Variants in SORCS1 observed in about 807,000 individuals in gnomAD.
The protein encoded by SORCS1 is VPS10 domain-containing receptor SorCS1.
SORCS1 carries 60 observed loss-of-function variants against 146.1 expected under a neutral mutation model. That is an observed-to-expected ratio of 0.41 (90% confidence interval 0.33 to 0.51). The LOEUF (loss-of-function observed/expected upper bound fraction) is 0.51. Ranked by LOEUF, SORCS1 falls within the 20% of genes least tolerant of loss-of-function variation. SORCS1 has a pLI of 0.21. For missense variants in SORCS1, 1,352 were observed against 1,487.6 expected (o/e 0.91, Z 1.50); for synonymous variants, 637 against 584.0 (o/e 1.09, Z -1.31).
At chr10:106,926,011 A>G (rs2138489657) in intron 2 of SORCS1, among the ~76,000 whole-genome samples, 1 of 152,204 alleles carries the variant, frequency 6.6e-6, no homozygotes, top group Middle Eastern at 3.4e-3. Context: ...ACTTTGGAAG[A>G]AAAAAAAGAC....
At chr10:106,687,308 C>G (rs1330900484) in intron 10 of SORCS1, among the ~76,000 whole-genome samples, 1 of 152,110 alleles carries the variant, frequency 6.6e-6, no homozygotes, top group African/African-American at 2.4e-5. Flanking sequence ...CTTTTGGATG[C>G]CATCATATAT....
chr10:106,591,759 G>A (rs1421536734), intron 24 of SORCS1, among the ~76,000 whole-genome samples: 3 of 152,074 alleles, frequency 2.0e-5, no homozygotes, highest in Non-Finnish European at 4.4e-5. Context: ...AGAAATCCAT[G>A]TGATTTCAGA....
At chr10:106,819,633 C>A (rs1947916652) in intron 3 of SORCS1, among the ~76,000 whole-genome samples, 1 of 152,170 alleles carries the variant, frequency 6.6e-6, no homozygotes, top group African/African-American at 2.4e-5. Context: ...TTTGAATCTG[C>A]TGCAGGGGAG....
intron 9 of SORCS1, among the ~76,000 whole-genome samples, chr10:106,695,314 A>T (rs555496745): frequency 6.6e-6 from 1 of 152,278 alleles, no homozygotes; most frequent in African/African-American, 2.4e-5. Context: ...TTTTCCCCAG[A>T]TCATTTTCTT....
chr10:106,834,590 G>T (rs1948705871), intron 2 of SORCS1, among the ~76,000 whole-genome samples: 2 of 152,018 alleles, frequency 1.3e-5, no homozygotes, highest in African/African-American at 4.8e-5. Context: ...TCGTAAGAAA[G>T]AGGAACTATA....
At chr10:106,731,694 A>T (rs190967309) in intron 5 of SORCS1, among the ~76,000 whole-genome samples, 3 of 152,298 alleles carry the variant, frequency 2.0e-5, no homozygotes, top group Non-Finnish European at 2.9e-5. Flanking sequence ...ATATGAAGGC[A>T]TCCTCTTCCC....
At chr10:106,607,633 T>C (rs1451426340) in intron 22 of SORCS1, among the ~76,000 whole-genome samples, 1 of 152,188 alleles carries the variant, frequency 6.6e-6, no homozygotes, top group Admixed American at 6.5e-5. Flanking sequence ...ATTAAATGAG[T>C]TACACATGAA....
chr10:106,872,341 A>G (rs775678915), intron 2 of SORCS1, among the ~76,000 whole-genome samples: 2 of 152,210 alleles, frequency 1.3e-5, no homozygotes, highest in African/African-American at 2.4e-5. Context: ...AGGATATCTG[A>G]CTTATGACCA....
chr10:106,637,156 A>C (rs987137296), intron 18 of SORCS1, among the ~76,000 whole-genome samples: 37 of 152,220 alleles, frequency 2.4e-4, no homozygotes, highest in African/African-American at 8.0e-4. Context: ...GTGACATTTT[A>C]TAATAGTAAA....
intron 10 of SORCS1, among the ~76,000 whole-genome samples, chr10:106,681,167 A>G (rs1404446995): frequency 6.6e-6 from 1 of 152,222 alleles, no homozygotes; most frequent in Admixed American, 6.5e-5. Flanking sequence ...GAGGAAGACT[A>G]GAACAGATAT....
chr10:106,935,662 C>T (rs976550723), intron 2 of SORCS1, among the ~76,000 whole-genome samples: 5 of 152,184 alleles, frequency 3.3e-5, no homozygotes, highest in African/African-American at 1.2e-4. Flanking sequence ...CTGTCTAGTA[C>T]AAATTCTTTT....
chr10:107,133,910 C>T (rs1436526075), intron 1 of SORCS1, among the ~76,000 whole-genome samples: 1 of 152,186 alleles, frequency 6.6e-6, no homozygotes, highest in Non-Finnish European at 1.5e-5. Context: ...TCAAGCAGTC[C>T]TTTACACTGT....
At chr10:107,040,038 T>G (rs1045507310) in intron 1 of SORCS1, among the ~76,000 whole-genome samples, 2 of 152,082 alleles carry the variant, frequency 1.3e-5, no homozygotes, top group East Asian at 3.9e-4. Flanking sequence ...CCAGCCTGGG[T>G]GACAGGGTGA....
intron 16 of SORCS1, among the ~76,000 whole-genome samples, chr10:106,669,920 T>G (rs1300161329): frequency 6.6e-6 from 1 of 152,232 alleles, no homozygotes; most frequent in Admixed American, 6.5e-5. Context: ...AAGGCTTAAC[T>G]TTTCTAAGAT....
intron 2 of SORCS1, among the ~76,000 whole-genome samples, chr10:106,938,186 G>A (rs551642868): frequency 6.6e-6 from 1 of 152,246 alleles, no homozygotes; most frequent in African/African-American, 2.4e-5. Flanking sequence ...AGCAGGTCCA[G>A]GAAGTAGAGA....
At chr10:107,170,513 A>C in the SORCS1 span, among the ~76,000 whole-genome samples, 13,424 of 152,260 alleles carry the variant, frequency 0.088, 617 homozygotes, top group African/African-American at 0.11. Flanking sequence ...CCAAAGATGA[A>C]TGAGGTTAAT....
At chr10:107,024,173 CAAAAAAAAAA>C (rs60404386) in intron 1 of SORCS1, among the ~76,000 whole-genome samples, 1 of 94,560 alleles carries the variant, frequency 1.1e-5, no homozygotes, top group Non-Finnish European at 2.2e-5. Flanking sequence ...GATTCCATCT[CAAAAAAAAAA>C]AAAAAAAAAA....
At chr10:106,578,415 A>T (rs914761178) in intron 25 of SORCS1, 7 of 153,226 alleles carry the variant, frequency 4.6e-5, no homozygotes, top group African/African-American at 1.7e-4. Flanking sequence ...AAAAAGAGGA[A>T]GAAATTTGCT....
chr10:107,024,160 CAA>C (rs1342309183), intron 1 of SORCS1, among the ~76,000 whole-genome samples: 1 of 107,394 alleles, frequency 9.3e-6, no homozygotes. Context: ...GGTGACAGAG[CAA>C]GATTCCATCT....
Sources: gnomAD v4.1 joint callset for allele counts (sites outside exome capture counted in the v4.1 genomes callset) on GRCh38, gnomAD v4.1.1 for gene constraint, MANE v1.5 for transcripts, NCBI Gene and HGNC (gene_info 2026-07-23, HGNC 2026-07-21) for gene names.